The following LGR6 variants were observed in gnomAD, a reference collection of about 807,000 sequenced individuals.
The protein encoded by LGR6 is leucine-rich repeat-containing G protein-coupled receptor 6.
LGR6 carries 45 observed loss-of-function variants against 69.4 expected under a neutral mutation model. The ratio of observed to expected loss-of-function variants is 0.65; its 90% CI spans 0.51 to 0.83. The LOEUF is 0.83. Ranked by LOEUF, LGR6 falls within the 40% of genes least tolerant of loss-of-function variation. LGR6 has a pLI of 0.00. For missense variants in LGR6, 1,108 were observed against 1,246.7 expected, an observed-to-expected ratio of 0.89 and a Z score of 1.68; for synonymous variants, 538 against 555.0, an observed-to-expected ratio of 0.97 and a Z score of 0.43.
intron 4 of LGR6, among the ~76,000 whole-genome samples, chr1:202,250,531 G>A (rs1663139983): frequency 6.6e-6 from 1 of 151,970 alleles, no homozygotes. Flanking sequence ...TCAGCCTCCT[G>A]AGTAGCTAAG....
At chr1:202,195,092 G>T (rs567386925) in intron 1 of LGR6, among the ~76,000 whole-genome samples, 2 of 152,156 alleles carry the variant, frequency 1.3e-5, no homozygotes, top group East Asian at 1.9e-4. Flanking sequence ...CCCCAGCCCC[G>T]CTCTGGGGCA....
intron 1 of LGR6, chr1:202,203,954 T>C: frequency 1.0e-6 from 1 of 954,794 alleles, no homozygotes; most frequent in Non-Finnish European, 1.7e-6. Context: ...CCTGTGAAAA[T>C]ACCAGGTAGT....
chr1:202,314,724 G>A, intron 16 of LGR6, 78 bp from the exon 17 acceptor site: 1 of 970,528 alleles, frequency 1.0e-6, no homozygotes, highest in Non-Finnish European at 1.7e-6. Context: ...CATCTTAAAG[G>A]AGGGGGCATT....
At chr1:202,240,073 GCTT>G (rs1408420277) in intron 4 of LGR6, among the ~76,000 whole-genome samples, 1 of 151,998 alleles carries the variant, frequency 6.6e-6, no homozygotes, top group African/African-American at 2.4e-5. Flanking sequence ...CGTGGTAAGA[GCTT>G]ATTAAGAACA....
intron 11 of LGR6, among the ~76,000 whole-genome samples, chr1:202,305,196 G>A (rs958172879): frequency 1.3e-5 from 2 of 152,190 alleles, no homozygotes; most frequent in Non-Finnish European, 2.9e-5. Context: ...CTGACTGGTG[G>A]TGTGTCCTTT....
At chr1:202,272,769 G>A (rs936025967) in intron 4 of LGR6, among the ~76,000 whole-genome samples, 4 of 152,214 alleles carry the variant, frequency 2.6e-5, no homozygotes, top group South Asian at 2.1e-4. Flanking sequence ...GCCAGCAAAC[G>A]TGTGTACTCA....
chr1:202,244,973 G>C (rs1162641477), intron 4 of LGR6, among the ~76,000 whole-genome samples: 1 of 152,242 alleles, frequency 6.6e-6, no homozygotes, highest in Non-Finnish European at 1.5e-5. Context: ...AACAAGGCCA[G>C]AGGTCTGGGG....
chr1:202,202,053 A>G (rs1167854481), intron 1 of LGR6, among the ~76,000 whole-genome samples: 1 of 152,086 alleles, frequency 6.6e-6, no homozygotes, highest in Non-Finnish European at 1.5e-5. Context: ...CATTCAAGGG[A>G]GAAAGAGGAC....
At chr1:202,301,896 G>A (rs1415281898) in intron 9 of LGR6, among the ~76,000 whole-genome samples, 1 of 152,146 alleles carries the variant, frequency 6.6e-6, no homozygotes, top group Non-Finnish European at 1.5e-5. Flanking sequence ...GTGGGCACCT[G>A]TAATCCCAGC....
chr1:202,204,619 T>A (rs200506887), intron 1 of LGR6, among the ~76,000 whole-genome samples: 5 of 3,838 alleles, frequency 1.3e-3, no homozygotes, highest in East Asian at 8.8e-3. Context: ...AACACACACC[T>A]CCTTCAAACA....
Position 202,276,292 on chromosome 1 carries a change from C to T in LGR6, c.429-14C>T, listed in dbSNP as rs201802599. On this transcript the variant is annotated splice_polypyrimidine_tract_variant and intron_variant, in intron 4 of 17. Transcript: ENST00000367278. ...TGCCCTGGATTGACCCCTCTCCATC[C>T]TCTCTTCCACCAGGCGCCTAGATGC... 475 of 1,608,786 alleles carry T rather than the reference C, an allele frequency of 3.0e-4. 1 individual carries two copies. The highest frequency in any genetic ancestry group is 6.6e-5 in the Non-Finnish European group (78 of 1,176,138).
At chr1:202,301,010 A>G (rs1482277744) in intron 8 of LGR6, 90 bp downstream of exon 8, 1 of 1,342,932 alleles carries the variant, frequency 7.4e-7, no homozygotes, top group South Asian at 1.2e-5. Flanking sequence ...CTTCCCTAGG[A>G]AGCACCAGGG....
chr1:202,308,685 C>T (rs705763), intron 14 of LGR6, among the ~76,000 whole-genome samples: 72,754 of 152,000 alleles, frequency 0.48, 18,422 homozygotes, highest in East Asian at 0.7. Context: ...GTTCCCCAAG[C>T]GGGTGGGCAG....
At chr1:202,240,202 G>A (rs911341776) in intron 4 of LGR6, among the ~76,000 whole-genome samples, 17 of 152,164 alleles carry the variant, frequency 1.1e-4, no homozygotes, top group African/African-American at 1.7e-4. Flanking sequence ...GCAAAACCCC[G>A]TCTCTACTAA....
intron 5 of LGR6, among the ~76,000 whole-genome samples, chr1:202,279,216 G>C (rs1050534894): frequency 6.6e-6 from 1 of 152,192 alleles, no homozygotes; most frequent in African/African-American, 2.4e-5. Flanking sequence ...CCTCAGTAAG[G>C]GGAGATCACT....
At chr1:202,311,943 A>G (rs547437891) in intron 16 of LGR6, among the ~76,000 whole-genome samples, 2 of 152,222 alleles carry the variant, frequency 1.3e-5, no homozygotes. Context: ...GATGAGGAGC[A>G]GCCCAGCAGC....
At chr1:202,263,278 A>G (rs976517397) in intron 4 of LGR6, among the ~76,000 whole-genome samples, 4 of 152,116 alleles carry the variant, frequency 2.6e-5, no homozygotes, top group South Asian at 4.2e-4. Flanking sequence ...TCATACCCCA[A>G]TGCCCAGCTA....
In LGR6 at chr1:202,309,896, G is replaced by A. The variant is rs115118037; in HGVS notation, c.1407-301G>A. ...TGTGAGCTTGGGGAAGCCTCTGCCC[G>A]CTCTGAGCCAGCAGAGAGGACTCCT... is the stretch of plus-strand genomic sequence containing the variant. On this transcript the variant is annotated intron_variant, in intron 15 of 17. Coordinates refer to ENST00000367278, the MANE Select transcript of LGR6 (RefSeq NM_001017403.2). Among the ~76,000 whole-genome samples the A allele has an allele frequency of 6.3e-3, 964 of 152,312 alleles. 7 individuals are homozygous for A. Among genetic ancestry groups the A allele is most frequent in the Non-Finnish European group, 9.9e-3 (671 of 68,030 alleles).
intron 1 of LGR6, among the ~76,000 whole-genome samples, chr1:202,205,900 AACAC>A (rs200390727): frequency 3.6e-5 from 5 of 137,680 alleles, no homozygotes; most frequent in Non-Finnish European, 4.7e-5. Context: ...ACACACACCT[AACAC>A]ACACACACAC....
Sources: allele counts gnomAD v4.1 joint callset (sites outside exome capture counted in the v4.1 genomes callset), GRCh38; gene constraint gnomAD v4.1.1; transcripts MANE v1.5; gene names NCBI Gene and HGNC (gene_info 2026-07-23, HGNC 2026-07-21).